The following SERPINA6 variants were observed in gnomAD, a reference collection of about 807,000 sequenced individuals.
SERPINA6 encodes serpin family A member 6.
SERPINA6 carries 19 observed loss-of-function variants against 26.4 expected under a neutral mutation model. The ratio of observed to expected loss-of-function variants is 0.72; its 90% CI spans 0.50 to 1.06. The LOEUF (loss-of-function observed/expected upper bound fraction) is 1.06. SERPINA6 is among the 50% of genes least tolerant of loss of function. The pLI is 0.00. For synonymous variants in SERPINA6, 196 were observed against 199.4 expected (o/e 0.98, Z 0.14); for missense variants, 473 against 504.0 (o/e 0.94, Z 0.59).
chr14:94,321,069 C>T (rs1895679167), intron 1 of SERPINA6, among the ~76,000 whole-genome samples: 1 of 152,182 alleles, frequency 6.6e-6, no homozygotes, highest in Non-Finnish European at 1.5e-5. Context: ...GCTACTTAAA[C>T]TCTGCCTCAG....
intron 3 of SERPINA6, among the ~76,000 whole-genome samples, chr14:94,307,422 C>A (rs1895457207): frequency 6.6e-6 from 1 of 152,192 alleles, no homozygotes; most frequent in East Asian, 1.9e-4. Context: ...GTTGACAGCT[C>A]TCTGAGAGCA....
intron 1 of SERPINA6, among the ~76,000 whole-genome samples, chr14:94,321,937 C>T (rs964129978): frequency 6.6e-6 from 1 of 152,222 alleles, no homozygotes; most frequent in Non-Finnish European, 1.5e-5. Context: ...TCACCTTCTC[C>T]TGCGTTAATT....
intron 2 of SERPINA6, among the ~76,000 whole-genome samples, chr14:94,310,474 C>T (rs2139719170): frequency 6.6e-6 from 1 of 152,290 alleles, no homozygotes; most frequent in Admixed American, 6.5e-5. Context: ...ATGGTCCTTC[C>T]TTCTAGGCCA....
At position 94,304,396 on chromosome 14, in the gene SERPINA6, G is replaced by A; in HGVS notation, c.*22C>T. ...CTGGTTCCCAAAGTCAGACAGTGCTGAGGCTCTGGGTGGGTGGTCTCTTAC... is the reference window on the plus strand; with the variant it reads ...CTGGTTCCCAAAGTCAGACAGTGCTAAGGCTCTGGGTGGGTGGTCTCTTAC... On this transcript the variant is annotated 3_prime_UTR_variant, in exon 5 of 5. Transcript: ENST00000341584. 6.2e-7 allele frequency: 1 copy of A among 1,612,350 alleles called. No homozygotes were observed.
chr14:94,306,950 A>G (rs1169068548), intron 3 of SERPINA6, among the ~76,000 whole-genome samples: 2 of 152,212 alleles, frequency 1.3e-5, no homozygotes, highest in Non-Finnish European at 2.9e-5. Context: ...GAGGGGTGTC[A>G]GTGAACTCGC....
intron 4 of SERPINA6, among the ~76,000 whole-genome samples, chr14:94,305,500 C>A (rs2139713725): frequency 6.6e-6 from 1 of 152,296 alleles, no homozygotes; most frequent in Non-Finnish European, 1.5e-5. Flanking sequence ...TTTTACTGAG[C>A]ACATATTACG....
At chr14:94,313,574 CT>C (rs1238194666) in intron 2 of SERPINA6, among the ~76,000 whole-genome samples, 1 of 152,150 alleles carries the variant, frequency 6.6e-6, no homozygotes, top group Non-Finnish European at 1.5e-5. Flanking sequence ...GCATTCCCCC[CT>C]AGAGCTTCCA....
At chr14:94,317,978 T>G (rs986599892) in intron 1 of SERPINA6, among the ~76,000 whole-genome samples, 1 of 152,190 alleles carries the variant, frequency 6.6e-6, no homozygotes, top group African/African-American at 2.4e-5. Flanking sequence ...CATAAACACA[T>G]TTAGCAAAGT....
At position 94,314,547 on chromosome 14, in the gene SERPINA6, G is replaced by C. The variant is rs1379599510; in HGVS notation, c.102C>G (p.Asn34Lys). The C allele has an allele frequency of 6.2e-7, 1 of 1,614,230 alleles. No homozygotes were observed. Among genetic ancestry groups the C allele is most frequent in the Non-Finnish European group, 8.5e-7 (1 of 1,180,034 alleles). ...TGGCTGAAGCCAGGCCCCGGTGATG[G>C]TTACTCATGTTCACATAAGCAGCGT... The part of the protein sequence containing the change: ...DPNAAYVNMS[N>K]HHRGLASANV... The change falls in exon 2 of 5, where the codon AAC becomes AAG. Residue 34 changes from asparagine (N) to lysine (K), a missense_variant. Transcript: ENST00000341584.
chr14:94,311,956 T>A (rs1020675524), intron 2 of SERPINA6, among the ~76,000 whole-genome samples: 4 of 151,672 alleles, frequency 2.6e-5, no homozygotes, highest in South Asian at 2.1e-4. Flanking sequence ...TCAAAAAAAA[T>A]AAAAATAAAT....
chr14:94,312,525 G>C (rs1237573611), intron 2 of SERPINA6, among the ~76,000 whole-genome samples: 3 of 152,250 alleles, frequency 2.0e-5, no homozygotes, highest in Admixed American at 6.5e-5. Flanking sequence ...ACAGTCTCGT[G>C]GGGGAGATGG....
intron 2 of SERPINA6, among the ~76,000 whole-genome samples, chr14:94,311,782 A>G (rs536342987): frequency 1.3e-5 from 2 of 152,030 alleles, no homozygotes; most frequent in East Asian, 3.9e-4. Context: ...TACTAAAAAT[A>G]CAAAAAAATA....
intron 1 of SERPINA6, among the ~76,000 whole-genome samples, chr14:94,319,285 T>TA (rs35678694): frequency 5.5e-5 from 8 of 144,818 alleles, no homozygotes; most frequent in Non-Finnish European, 7.7e-5. Context: ...AGATTTCCTT[T>TA]AAAAAAATTT....
intron 1 of SERPINA6, among the ~76,000 whole-genome samples, chr14:94,321,978 C>T (rs940854202): frequency 1.3e-5 from 2 of 152,194 alleles, no homozygotes; most frequent in Admixed American, 1.3e-4. Flanking sequence ...CTCCATCCAC[C>T]CCACAATATT....
At chr14:94,316,493 C>T (rs965769057) in intron 1 of SERPINA6, among the ~76,000 whole-genome samples, 1 of 152,162 alleles carries the variant, frequency 6.6e-6, no homozygotes, top group African/African-American at 2.4e-5. Flanking sequence ...TTTCACCCTT[C>T]AATTATGTCC....
chr14:94,304,352 A>G lies in SERPINA6; in HGVS notation c.*66T>C, dbSNP rs1403968277. The G allele has an allele frequency of 6.5e-7, 1 of 1,540,454 alleles. No individual in the cohort carries two copies. Among genetic ancestry groups the G allele is most frequent in the Non-Finnish European group, 9.0e-7 (1 of 1,113,108 alleles). ...ATTGGGGGAAACCTCCCGCTCTCCA[A>G]AACATTTCTGTGGGATCCCTGGTTC... is the stretch of plus-strand genomic sequence containing the variant. On this transcript the variant is annotated 3_prime_UTR_variant, in exon 5 of 5. Transcript: ENST00000341584.
chr14:94,304,478 CATG>C lies in SERPINA6; in HGVS notation c.1155_1157del (p.Ile385del). The C allele has an allele frequency of 6.2e-7, 1 of 1,614,174 alleles. No individual in the cohort carries two copies. Among genetic ancestry groups the C allele is most frequent in the Admixed American group, 1.7e-5 (1 of 60,020 alleles). ...TGCTCCAGGTGAAGTGGTCGAAGATCATGATGATGAAGGGCTGGTTGAAACGCA... is the reference window on the plus strand; with the variant it reads ...TGCTCCAGGTGAAGTGGTCGAAGATCATGATGAAGGGCTGGTTGAAACGCA... On this transcript the variant is annotated inframe_deletion, in exon 5 of 5. Transcript: ENST00000341584.
intron 2 of SERPINA6, among the ~76,000 whole-genome samples, chr14:94,312,525 G>A (rs1237573611): frequency 6.6e-6 from 1 of 152,250 alleles, no homozygotes; most frequent in Non-Finnish European, 1.5e-5. Flanking sequence ...ACAGTCTCGT[G>A]GGGGAGATGG....
At chr14:94,308,388 G>GGT (rs1284760367) in intron 3 of SERPINA6, among the ~76,000 whole-genome samples, 1 of 150,888 alleles carries the variant, frequency 6.6e-6, no homozygotes, top group Non-Finnish European at 1.5e-5. Flanking sequence ...GCTAGGGCAT[G>GGT]GTACATAGCA....
Sources: allele counts gnomAD v4.1 joint callset (sites outside exome capture counted in the v4.1 genomes callset), GRCh38; gene constraint gnomAD v4.1.1; transcripts MANE v1.5; gene names NCBI Gene and HGNC (gene_info 2026-07-23, HGNC 2026-07-21).